ADNP: variants seen among roughly 807,000 people sequenced by gnomAD.
ADNP encodes the protein activity dependent neuroprotector homeobox.
In ADNP, 4 loss-of-function variants were observed where a neutral mutation model predicts 84.9. That is an observed-to-expected ratio of 0.05 (90% confidence interval 0.02 to 0.11). ADNP has a LOEUF of 0.11. Among genes scored for constraint, ADNP ranks in the 10% least tolerant of loss-of-function variants. The probability of loss-of-function intolerance (pLI) is 1.00; values close to 1 mark genes in which losing one functional copy is unlikely to be tolerated. For missense variants in ADNP, 1,132 were observed against 1,326.0 expected (o/e 0.85, Z 2.27); for synonymous variants, 554 against 468.1 (o/e 1.18, Z -2.37).
Position 50,931,261 on chromosome 20 carries a change from G to C in ADNP, c.-700C>G, listed in dbSNP as rs1984751115. 9.4e-6 allele frequency: 1 copy of C among 106,016 alleles called. No homozygotes were observed. Among genetic ancestry groups the C allele is most frequent in the Non-Finnish European group, 2.0e-5 (1 of 49,382 alleles). The allele number at this position is 106,016 out of a possible 1,614,324, so 6.6% of individuals were successfully genotyped here. ...AAGATGGCGGCGGCCGGGGGGGGGGGGGCGGGAGTTCAGCTCATGGATCCC... is the reference window on the plus strand; with the variant it reads ...AAGATGGCGGCGGCCGGGGGGGGGGCGGCGGGAGTTCAGCTCATGGATCCC... On this transcript the variant is annotated 5_prime_UTR_variant, in exon 1 of 6. Transcript: ENST00000621696.
chr20:50,921,222 T>A (rs982724941), intron 2 of ADNP, among the ~76,000 whole-genome samples: 2 of 152,328 alleles, frequency 1.3e-5, no homozygotes, highest in East Asian at 3.9e-4. Context: ...CTCAAACTAT[T>A]ATGACTGAGA....
rs71192505 is a variant in ADNP, at chr20:50,890,161, A to AAAAAAAAAAAAAAC, written c.*1243_*1244insGTTTTTTTTTTTTT. The AAAAAAAAAAAAAAC allele has an allele frequency of 5.5e-6, 1 of 181,134 alleles. No homozygotes were observed. 11.2% of individuals were successfully genotyped at this position (181,134 alleles called of 1,614,324 possible). On this transcript the variant is annotated 3_prime_UTR_variant, in exon 6 of 6. Coordinates refer to ENST00000621696, the MANE Select transcript of ADNP (RefSeq NM_001282531.3). ...AAAAAAAAAAAAAAAAAAAAAAAAA[A>AAAAAAAAAAAAAAC]GAAAAACAGATTTTGTACCAGGTGC...
In ADNP at chr20:50,891,492, C is replaced by T. The variant is rs1980709211; in HGVS notation, c.3222G>A (p.Gly1074=). 6.2e-7 allele frequency: 1 copy of T among 1,612,520 alleles called. No individual in the cohort carries two copies. Among genetic ancestry groups the T allele is most frequent in the Non-Finnish European group, 8.5e-7 (1 of 1,180,028 alleles). The change falls in exon 6 of 6, where the codon GGG becomes GGA. Residue 1074 remains glycine (G), a synonymous_variant. Coordinates refer to ENST00000621696, the MANE Select transcript of ADNP (RefSeq NM_001282531.3). ...CATCAGTCATGTTGTCAAACTGTTCCCCATCCTCACTGTCAATTGTGCTAT... is the reference window on the plus strand; with the variant it reads ...CATCAGTCATGTTGTCAAACTGTTCTCCATCCTCACTGTCAATTGTGCTAT... ...WQNSTIDSED[G]EQFDNMTDGV...
At chr20:50,926,959 TACTA>T (rs752814877) in intron 2 of ADNP, among the ~76,000 whole-genome samples, 3 of 152,178 alleles carry the variant, frequency 2.0e-5, no homozygotes, top group South Asian at 2.1e-4. Context: ...GTTTTCAAAA[TACTA>T]ACTTTTTAAT....
intron 4 of ADNP, 32 bp downstream of exon 4, chr20:50,903,857 A>G: frequency 1.3e-6 from 2 of 1,506,354 alleles, no homozygotes; most frequent in East Asian, 2.3e-5. Flanking sequence ...AAGCTGAGTC[A>G]TGTTAAAATT....
chr20:50,902,930 C>A (rs568526689), intron 4 of ADNP, among the ~76,000 whole-genome samples: 1 of 152,186 alleles, frequency 6.6e-6, no homozygotes. Flanking sequence ...CTTGGAACAA[C>A]GTGACTAGAG....
At chr20:50,897,915 T>C (rs1221483674) in intron 5 of ADNP, among the ~76,000 whole-genome samples, 1 of 152,212 alleles carries the variant, frequency 6.6e-6, no homozygotes, top group Non-Finnish European at 1.5e-5. Context: ...CGACTTCTTA[T>C]ATCTCCTGCA....
chr20:50,900,776 T>C (rs1981894557), intron 5 of ADNP, among the ~76,000 whole-genome samples: 1 of 152,204 alleles, frequency 6.6e-6, no homozygotes, highest in South Asian at 2.1e-4. Flanking sequence ...AAGGCAAATC[T>C]CCATTTTTTC....
At chr20:50,922,846 T>C (rs1490186779) in intron 2 of ADNP, among the ~76,000 whole-genome samples, 1 of 152,038 alleles carries the variant, frequency 6.6e-6, no homozygotes, top group Non-Finnish European at 1.5e-5. Context: ...CCTCCCAAAA[T>C]GCTGGGATTA....
rs1980500385 is a variant in ADNP at position 50,890,055 on chromosome 20, A to G, written c.*1350T>C. 2 of 345,058 alleles carry G rather than the reference A, an allele frequency of 5.8e-6. No homozygotes were observed. The highest frequency in any genetic ancestry group is 4.2e-5 in the East Asian group (1 of 23,924). 21.4% of individuals were successfully genotyped at this position (345,058 alleles called of 1,614,324 possible). A position where few individuals can be genotyped will look rare whatever the true frequency, so the allele number is the denominator to read the frequency against. On this transcript the variant is annotated 3_prime_UTR_variant, in exon 6 of 6. Transcript: ENST00000621696. ...TTACATTTTTTTTTTTATCATTGAG[A>G]CATTTACATATATATGCAGGCTCTG...
intron 2 of ADNP, among the ~76,000 whole-genome samples, chr20:50,917,286 C>T (rs1983582189): frequency 6.6e-6 from 1 of 152,226 alleles, no homozygotes; most frequent in Non-Finnish European, 1.5e-5. Context: ...AGCAGCAACA[C>T]AGAAATTAAG....
intron 5 of ADNP, among the ~76,000 whole-genome samples, chr20:50,899,724 T>C (rs1051722125): frequency 2.6e-5 from 4 of 152,012 alleles, no homozygotes; most frequent in African/African-American, 7.3e-5. Context: ...ACCATTGATC[T>C]TGACCCTGTG....
At chr20:50,921,287 T>C (rs1037460965) in intron 2 of ADNP, among the ~76,000 whole-genome samples, 6 of 152,236 alleles carry the variant, frequency 3.9e-5, no homozygotes, top group African/African-American at 1.4e-4. Context: ...CAATGCATCA[T>C]GCACAGTAGT....
intron 2 of ADNP, among the ~76,000 whole-genome samples, chr20:50,926,265 T>TTAAAAA (rs1253870755): frequency 6.6e-6 from 1 of 152,176 alleles, no homozygotes; most frequent in Non-Finnish European, 1.5e-5. Context: ...AGAATGAAGG[T>TTAAAAA]TAAACTCCCA....
At chr20:50,914,940 G>A (rs890807584) in intron 2 of ADNP, among the ~76,000 whole-genome samples, 1 of 151,850 alleles carries the variant, frequency 6.6e-6, no homozygotes, top group African/African-American at 2.4e-5. Flanking sequence ...GGTTGTGCTA[G>A]AAAATAATGA....
chr20:50,891,155 T>G lies in ADNP; in HGVS notation c.*250A>C. On this transcript the variant is annotated 3_prime_UTR_variant, in exon 6 of 6. Coordinates refer to ENST00000621696, the MANE Select transcript of ADNP (RefSeq NM_001282531.3). Reference sequence around the variant, plus strand: ...TAAAATAAACCTCTGCTTTTCCTCGTGTGTATTCATGAGTCACCAGCTTAT... The same window carrying G: ...TAAAATAAACCTCTGCTTTTCCTCGGGTGTATTCATGAGTCACCAGCTTAT... The G allele has an allele frequency of 1.6e-6, 2 of 1,268,276 alleles. No individual in the cohort carries two copies. Among genetic ancestry groups the G allele is most frequent in the Non-Finnish European group, 2.0e-6 (2 of 1,009,214 alleles). 78.6% of individuals were successfully genotyped at this position (1,268,276 alleles called of 1,614,324 possible).
rs558634873 is a variant in ADNP, at chr20:50,904,759, T to C, written c.-6+7A>G. ...TGTTGAACATCTGAAAACAGAAAAA[T>C]GCTTACCAGTTCATCATCATTACAG... On this transcript the variant is annotated splice_region_variant and intron_variant, in intron 3 of 5. Coordinates refer to ENST00000621696, the MANE Select transcript of ADNP (RefSeq NM_001282531.3). 87 of 152,312 alleles carry C rather than the reference T, an allele frequency of 5.7e-4. No homozygotes were observed. Among genetic ancestry groups the C allele is most frequent in the African/African-American group, 1.9e-3 (81 of 41,580 alleles). The allele number at this position is 152,312 out of a possible 1,614,324, so 9.4% of individuals were successfully genotyped here.
intron 5 of ADNP, 22 bp downstream of exon 5, chr20:50,901,995 G>A (rs1421236019): frequency 6.4e-7 from 1 of 1,556,464 alleles, no homozygotes; most frequent in Non-Finnish European, 8.9e-7. Flanking sequence ...TGCCATCTGA[G>A]GAAGTCTCCT....
rs563222384 is a variant in ADNP, at chr20:50,930,255, G to A, written c.-265+571C>T. Among the ~76,000 whole-genome samples the A allele has an allele frequency of 3.9e-5, 6 of 152,324 alleles. No individual in the cohort carries two copies. The South Asian group carries it at 6.2e-4, about 16-fold the overall frequency. The stretch of plus-strand genomic sequence containing the variant: ...GAGATTGGGGAAAAGGGATGGTGGT[G>A]AACTGTGGTCAGGATAAGAGGAAAG... On this transcript the variant is annotated intron_variant, in intron 1 of 5. Coordinates refer to ENST00000621696, the MANE Select transcript of ADNP (RefSeq NM_001282531.3).
Sources: gnomAD v4.1 joint callset for allele counts (sites outside exome capture counted in the v4.1 genomes callset) on GRCh38, gnomAD v4.1.1 for gene constraint, MANE v1.5 for transcripts, NCBI Gene and HGNC (gene_info 2026-07-23, HGNC 2026-07-21) for gene names.